EPHA5: variants seen among roughly 807,000 people sequenced by gnomAD.
EPHA5 encodes EPH receptor A5, also known as ephrin type-A receptor 5.
A neutral mutation model predicts 105.0 loss-of-function variants in EPHA5; 60 were observed. The observed-to-expected ratio is 0.57, with a 90% CI of 0.46 to 0.71. The LOEUF (loss-of-function observed/expected upper bound fraction) is 0.71. Among genes scored for constraint, EPHA5 ranks in the 30% least tolerant of loss-of-function variants. EPHA5 has a pLI of 0.00. For synonymous variants in EPHA5, 513 were observed against 449.1 expected, an observed-to-expected ratio of 1.14 and a Z score of -1.80; for missense variants, 1,218 against 1,274.7, an observed-to-expected ratio of 0.96 and a Z score of 0.68.
At chr4:65,396,050 G>A (rs541667333) in intron 8 of EPHA5, among the ~76,000 whole-genome samples, 1 of 152,270 alleles carries the variant, frequency 6.6e-6, no homozygotes, top group East Asian at 1.9e-4. Context: ...TGTAGATCTG[G>A]GCATCCCTGT....
intron 2 of EPHA5, among the ~76,000 whole-genome samples, chr4:65,609,231 A>G (rs1255215248): frequency 2.0e-5 from 3 of 152,234 alleles, no homozygotes; most frequent in Non-Finnish European, 4.4e-5. Flanking sequence ...GACAAAATAT[A>G]TCAGCTTTCA....
At chr4:65,648,572 T>C (rs571185699) in intron 1 of EPHA5, among the ~76,000 whole-genome samples, 2 of 152,192 alleles carry the variant, frequency 1.3e-5, no homozygotes, top group Admixed American at 1.3e-4. Flanking sequence ...CAAACACAAT[T>C]ATAATGTCAG....
intron 8 of EPHA5, among the ~76,000 whole-genome samples, chr4:65,369,024 A>T (rs144458348): frequency 1.3e-4 from 20 of 152,230 alleles, no homozygotes; most frequent in African/African-American, 4.8e-4. Context: ...TTTCTAGTCT[A>T]TGCTGCAGCA....
chr4:65,372,203 T>C (rs1718544743), intron 8 of EPHA5, among the ~76,000 whole-genome samples: 1 of 151,962 alleles, frequency 6.6e-6, no homozygotes, highest in South Asian at 2.1e-4. Flanking sequence ...AAAGGAATAA[T>C]ACTGTTTTTT....
At chr4:65,463,504 G>A (rs1366245166) in intron 5 of EPHA5, among the ~76,000 whole-genome samples, 1 of 152,070 alleles carries the variant, frequency 6.6e-6, no homozygotes, top group East Asian at 1.9e-4. Flanking sequence ...CTTTAAATCA[G>A]CATTGTACTG....
chr4:65,565,124 G>A (rs1335279810), intron 3 of EPHA5, among the ~76,000 whole-genome samples: 1 of 151,564 alleles, frequency 6.6e-6, no homozygotes, highest in Non-Finnish European at 1.5e-5. Flanking sequence ...ACACCTCAGA[G>A]GGTTCCTTAA....
intron 11 of EPHA5, among the ~76,000 whole-genome samples, chr4:65,359,229 C>G (rs1723590119): frequency 6.6e-6 from 1 of 151,502 alleles, no homozygotes; most frequent in South Asian, 2.1e-4. Flanking sequence ...AAACCTGTAT[C>G]TGCCTTAAAG....
intron 3 of EPHA5, among the ~76,000 whole-genome samples, chr4:65,538,763 C>A (rs1207640702): frequency 1.3e-5 from 2 of 151,568 alleles, no homozygotes; most frequent in Non-Finnish European, 3.0e-5. Flanking sequence ...CTAACTTGGG[C>A]AGATTGGATA....
rs1284399184 is a variant in EPHA5, at chr4:65,468,669, AACATATATAC to A, written c.1402+21698_1402+21707del. The stretch of plus-strand genomic sequence containing the variant: ...ATACATATATATGTAAAATATATAT[AACATATATAC>A]ATATATATATAAAATATATATATAT... On this transcript the variant is annotated intron_variant, in intron 5 of 16. Coordinates refer to ENST00000613740, the MANE Select transcript of EPHA5 (RefSeq NM_001281766.3). 0.01 allele frequency among the ~76,000 whole-genome samples: 109 copies of A among 10,880 alleles called. 1 individual carries two copies. In the East Asian group the frequency reaches 0.38, roughly 38 times the overall value. 7.1% of individuals were successfully genotyped at this position (10,880 alleles called of 152,430 possible).
rs372306250 is a variant in EPHA5 at position 65,510,878 on chromosome 4, T to C, written c.911-15335A>G. ...CAAAAAGCTGTATCTCCCAACTTGG[T>C]GGCATTTGAAGATGGGTCCTTAGGG... On this transcript the variant is annotated intron_variant, in intron 3 of 16. Transcript: ENST00000613740. Among the ~76,000 whole-genome samples, 16 of 152,284 alleles carry C rather than the reference T, an allele frequency of 1.1e-4. 2 individuals carry two copies. The South Asian group carries it at 3.1e-3, about 30-fold the overall frequency.
chr4:65,525,640 T>C (rs1001468682), intron 3 of EPHA5, among the ~76,000 whole-genome samples: 2 of 151,828 alleles, frequency 1.3e-5, no homozygotes, highest in Non-Finnish European at 2.9e-5. Context: ...CAACAGACTT[T>C]CTCAAATGAA....
intron 9 of EPHA5, 50 bp downstream of exon 9, chr4:65,367,307 A>C: frequency 6.8e-7 from 1 of 1,461,984 alleles, no homozygotes; most frequent in Non-Finnish European, 9.5e-7. Flanking sequence ...TTAAATAACA[A>C]TAAAGTGTCC....
At position 65,670,264 on chromosome 4, in the gene EPHA5, C is replaced by G. The variant is rs1210018708; in HGVS notation, c.-522G>C. The G allele has an allele frequency of 4.3e-6, 1 of 233,928 alleles. No homozygotes were observed. The highest frequency in any genetic ancestry group is 8.4e-6 in the Non-Finnish European group (1 of 118,548). 14.5% of individuals were successfully genotyped at this position (233,928 alleles called of 1,614,324 possible). ...TGGAGAATGAAAAACAGGAGAGCAG[C>G]GAGCAAAAGCAAAGATCCAGAGTTC... On this transcript the variant is annotated 5_prime_UTR_variant, in exon 1 of 17. Transcript: ENST00000613740.
chr4:65,330,786 G>T (rs1720538264), intron 16 of EPHA5: 1 of 1,026,400 alleles, frequency 9.7e-7, no homozygotes, highest in Admixed American at 5.8e-5. Context: ...AGTGTCCAAA[G>T]AAATAATGGA....
chr4:65,366,595 T>G (rs1398039716), intron 9 of EPHA5, among the ~76,000 whole-genome samples: 4 of 151,934 alleles, frequency 2.6e-5, no homozygotes, highest in African/African-American at 2.4e-5. Flanking sequence ...AGTTTCAGTT[T>G]TATCACATTT....
rs28460135 is a variant in EPHA5 at position 65,539,859 on chromosome 4, C to T, written c.911-44316G>A. ...ATAAACTATACAATAAGCTAAATAT[C>T]ACTGAAGTTTCTTTTACAATAAAAT... On this transcript the variant is annotated intron_variant, in intron 3 of 16. Coordinates refer to ENST00000613740, the MANE Select transcript of EPHA5 (RefSeq NM_001281766.3). 2.3e-3 allele frequency among the ~76,000 whole-genome samples: 349 copies of T among 151,534 alleles called. 2 individuals carry two copies. The highest frequency in any genetic ancestry group is 7.8e-3 in the African/African-American group (322 of 41,462).
At chr4:65,610,275 A>G (rs1449325203) in intron 2 of EPHA5, among the ~76,000 whole-genome samples, 1 of 152,164 alleles carries the variant, frequency 6.6e-6, no homozygotes, top group Non-Finnish European at 1.5e-5. Flanking sequence ...AAACTAACAC[A>G]GAAACGGAAA....
At chr4:65,528,389 C>T (rs1735443189) in intron 3 of EPHA5, among the ~76,000 whole-genome samples, 2 of 147,928 alleles carry the variant, frequency 1.4e-5, no homozygotes, top group South Asian at 2.2e-4. Flanking sequence ...AGTGTTTCCA[C>T]TGAAGTACAT....
intron 15 of EPHA5, 70 bp downstream of exon 15, chr4:65,335,862 T>C: frequency 7.0e-7 from 1 of 1,437,196 alleles, no homozygotes. Context: ...ATGATTTAAT[T>C]GATAAAATAT....
Sources: allele counts gnomAD v4.1 joint callset (sites outside exome capture counted in the v4.1 genomes callset), GRCh38; gene constraint gnomAD v4.1.1; transcripts MANE v1.5; gene names NCBI Gene and HGNC (gene_info 2026-07-23, HGNC 2026-07-21).